IFIH1: variants seen among roughly 807,000 people sequenced by gnomAD.
IFIH1 encodes interferon induced with helicase C domain 1.
IFIH1 carries 125 observed loss-of-function variants against 107.4 expected under a neutral mutation model. That is an observed-to-expected ratio of 1.16 (90% confidence interval 1.01 to 1.35). The LOEUF (loss-of-function observed/expected upper bound fraction) is 1.35, where lower values mean the gene tolerates loss of function less well. Ranked by LOEUF, IFIH1 falls within the 40% of genes most tolerant of loss-of-function variation. The pLI, the probability that IFIH1 is intolerant of heterozygous loss-of-function variation, is 0.00. For synonymous variants in IFIH1, 458 were observed against 413.2 expected, an observed-to-expected ratio of 1.11 and a Z score of -1.31; for missense variants, 1,333 against 1,213.7, an observed-to-expected ratio of 1.10 and a Z score of -1.46.
chr2:162,270,229 C>CA (rs1214602449), intron 13 of IFIH1, among the ~76,000 whole-genome samples: 1 of 152,132 alleles, frequency 6.6e-6, no homozygotes, highest in Admixed American at 6.5e-5. Flanking sequence ...AATAATGTAG[C>CA]AAAAAAATTG....
chr2:162,270,787 T>C (rs1429119647), intron 13 of IFIH1, among the ~76,000 whole-genome samples: 1 of 152,184 alleles, frequency 6.6e-6, no homozygotes, highest in Non-Finnish European at 1.5e-5. Flanking sequence ...TGGCATAATT[T>C]GGTGACAAAA....
Position 162,318,376 on chromosome 2 carries a change from A to T in IFIH1, c.-69T>A, listed in dbSNP as rs934262155. The T allele has an allele frequency of 1.1e-5, 14 of 1,298,952 alleles. No homozygotes were observed. Among genetic ancestry groups the T allele is most frequent in the Non-Finnish European group, 1.5e-5 (14 of 913,660 alleles). The allele number at this position is 1,298,952 out of a possible 1,614,324, so 80.5% of individuals were successfully genotyped here. A position where few individuals can be genotyped will look rare whatever the true frequency, so the allele number is the denominator to read the frequency against. The stretch of plus-strand genomic sequence containing the variant: ...TGCTGTTGTCTGCGGGACAGGTGAA[A>T]TGTGCGTGCCGCTGTCCGCTGCCCA... On this transcript the variant is annotated 5_prime_UTR_variant, in exon 1 of 16. Coordinates refer to ENST00000649979, the MANE Select transcript of IFIH1 (RefSeq NM_022168.4).
At position 162,318,157 on chromosome 2, in the gene IFIH1, C is replaced by T. The variant is rs201710556; in HGVS notation, c.151G>A (p.Ala51Thr). 6.2e-7 allele frequency: 1 copy of T among 1,614,152 alleles called. No homozygotes were observed. Among genetic ancestry groups the T allele is most frequent in the Admixed American group, 1.7e-5 (1 of 60,024 alleles). ...ACTGCCTGCATGTTCCCGGAGGTGG[C>T]GACTGTCCTCTGAATCTGCTCCTTC... Reference protein sequence around the residue: ...EVKEQIQRTVATSGNMQAVEL... With the variant: ...EVKEQIQRTVTTSGNMQAVEL... The change falls in exon 1 of 16, where the codon GCC becomes ACC. Residue 51 changes from alanine to threonine, a missense_variant. Transcript: ENST00000649979.
At chr2:162,314,368 T>TCCC (rs1683433246) in intron 1 of IFIH1, among the ~76,000 whole-genome samples, 1 of 88,584 alleles carries the variant, frequency 1.1e-5, no homozygotes, top group African/African-American at 4.6e-5. Flanking sequence ...TCTTCCTTCC[T>TCCC]TCCCTCCCTC....
chr2:162,268,199 T>G lies in IFIH1; in HGVS notation c.2695A>C (p.Asn899His). ...CAAAGGAAAGTTATTAGTGATGGGT[T>G]ATTCTTGTAATGCTTGGCAATATTT... ...KRNIAKHYKN[N>H]PSLITFLCKN... Residue 899 changes from asparagine (N) to histidine (H), a missense_variant, in exon 14 of 16, where the codon AAC becomes CAC. Transcript: ENST00000649979. 1 of 1,612,962 alleles carries G rather than the reference T, an allele frequency of 6.2e-7. No individual in the cohort carries two copies. The highest frequency in any genetic ancestry group is 1.1e-5 in the South Asian group (1 of 91,054).
At chr2:162,305,232 GTAT>G (rs751205698) in intron 3 of IFIH1, among the ~76,000 whole-genome samples, 4 of 152,122 alleles carry the variant, frequency 2.6e-5, no homozygotes, top group Non-Finnish European at 5.9e-5. Context: ...GTGTTTCTGT[GTAT>G]TACAGATTTC....
chr2:162,276,424 G>A (rs1265732873), intron 11 of IFIH1, among the ~76,000 whole-genome samples: 1 of 152,076 alleles, frequency 6.6e-6, no homozygotes, highest in African/African-American at 2.4e-5. Context: ...ACAACATAGT[G>A]GGACACCTTT....
At chr2:162,273,556 C>G (rs1432005658) in intron 12 of IFIH1, among the ~76,000 whole-genome samples, 1 of 152,036 alleles carries the variant, frequency 6.6e-6, no homozygotes, top group African/African-American at 2.4e-5. Flanking sequence ...CCTTAGGGTA[C>G]AGAAATAGCT....
chr2:162,281,276 G>A (rs1682802257), intron 7 of IFIH1, 52 bp downstream of exon 7: 1 of 1,387,142 alleles, frequency 7.2e-7, no homozygotes. Context: ...AAGAAGTCCT[G>A]GCATTTGTTT....
At chr2:162,298,765 T>C (rs1335480554) in intron 3 of IFIH1, among the ~76,000 whole-genome samples, 1 of 151,724 alleles carries the variant, frequency 6.6e-6, no homozygotes, top group East Asian at 1.9e-4. Context: ...TGTATATGGA[T>C]CTACACACAC....
Position 162,277,462 on chromosome 2 carries a change from G to A in IFIH1, c.1997C>T (p.Pro666Leu). The A allele has an allele frequency of 6.2e-7, 1 of 1,609,024 alleles. No homozygotes were observed. The highest frequency in any genetic ancestry group is 2.2e-5 in the East Asian group (1 of 44,736). The change falls in exon 10 of 16, where the codon CCT becomes CTT. Residue 666 changes from proline (P) to leucine (L), a missense_variant. Physicochemically the swap from Pro to Leu is moderately conservative, Grantham distance 98. Transcript: ENST00000649979. ...GDEDEDDLKK[P>L]LKLDETDRFL... is the part of the protein sequence containing the mutation. ...TCTATCTGTTTCATCCAGTTTCAAA[G>A]GTTTCTTTAAATCATCCTCATCTTC... is the stretch of plus-strand genomic sequence containing the variant.
In IFIH1 at chr2:162,280,015, A is replaced by C; in HGVS notation, c.1622T>G (p.Ile541Ser). 6.2e-7 allele frequency: 1 copy of C among 1,600,692 alleles called. No individual in the cohort carries two copies. Among genetic ancestry groups the C allele is most frequent in the Non-Finnish European group, 8.6e-7 (1 of 1,168,298 alleles). Residue 541 changes from isoleucine to serine, a missense_variant, in exon 8 of 16, where the codon ATT (isoleucine) becomes AGT (serine). Physicochemically the swap from Ile to Ser is moderately radical, Grantham distance 142. Coordinates refer to ENST00000649979, the MANE Select transcript of IFIH1 (RefSeq NM_022168.4). Reference sequence around the variant, plus strand: ...CCATACTTCTCTGGTTGCATCTGCAATGGCAAACTTCTTGCATGGCTCCTG... The same window carrying C: ...CCATACTTCTCTGGTTGCATCTGCACTGGCAAACTTCTTGCATGGCTCCTG... The part of the protein sequence containing the change: ...QIQEPCKKFA[I>S]ADATREDPFK...
Position 162,300,912 on chromosome 2 carries a change from A to G in IFIH1, c.769+5797T>C, listed in dbSNP as rs1412415477. Among the ~76,000 whole-genome samples the G allele has an allele frequency of 2.0e-5, 3 of 152,154 alleles. No homozygotes were observed. The South Asian group carries it at 6.2e-4, about 32-fold the overall frequency. ...CAAGTGCAAGGATAAATTTTGTGGC[A>G]CTTTTACAGAAATTAGTATAGACCA... is the stretch of plus-strand genomic sequence containing the variant. On this transcript the variant is annotated intron_variant, in intron 3 of 15. Transcript: ENST00000649979.
chr2:162,296,016 T>C (rs1015627474), intron 3 of IFIH1, among the ~76,000 whole-genome samples: 13 of 152,018 alleles, frequency 8.6e-5, no homozygotes, highest in African/African-American at 2.9e-4. Flanking sequence ...ATACCAAAAT[T>C]ACTGAAAAAA....
intron 4 of IFIH1, among the ~76,000 whole-genome samples, chr2:162,292,667 T>C (rs1331627386): frequency 1.3e-5 from 2 of 151,824 alleles, no homozygotes; most frequent in Non-Finnish European, 2.9e-5. Context: ...AAATGAAGAA[T>C]AAAGTAATGT....
intron 3 of IFIH1, among the ~76,000 whole-genome samples, chr2:162,297,712 T>C (rs1216129969): frequency 6.6e-6 from 1 of 152,154 alleles, no homozygotes; most frequent in African/African-American, 2.4e-5. Context: ...ATGGTAGTAA[T>C]TGAACTGTTA....
At chr2:162,304,902 TG>T (rs1033043979) in intron 3 of IFIH1, among the ~76,000 whole-genome samples, 2 of 152,214 alleles carry the variant, frequency 1.3e-5, no homozygotes, top group Non-Finnish European at 2.9e-5. Flanking sequence ...AAGTATCAAA[TG>T]TGTTAAAATA....
At chr2:162,279,484 A>C (rs1333866955) in intron 8 of IFIH1, among the ~76,000 whole-genome samples, 1 of 152,084 alleles carries the variant, frequency 6.6e-6, no homozygotes, top group Non-Finnish European at 1.5e-5. Context: ...TTCCTGAAAA[A>C]TTCATCAGAA....
intron 1 of IFIH1, among the ~76,000 whole-genome samples, chr2:162,314,420 C>CTTTCTTTCT (rs1558877473): frequency 5.8e-4 from 20 of 34,200 alleles, no homozygotes; most frequent in African/African-American, 2.8e-3. Flanking sequence ...TCTTTCTTTT[C>CTTTCTTTCT]TTTCTTTCTT....
Sources: gnomAD v4.1 joint callset for allele counts (sites outside exome capture counted in the v4.1 genomes callset) on GRCh38, gnomAD v4.1.1 for gene constraint, MANE v1.5 for transcripts, NCBI Gene and HGNC (gene_info 2026-07-23, HGNC 2026-07-21) for gene names.